The following ASAP1 variants were observed in gnomAD, a reference collection of about 807,000 sequenced individuals.
The protein encoded by ASAP1 is arf-GAP with SH3 domain, ANK repeat and PH domain-containing protein 1.
Under a neutral mutation model 145.2 loss-of-function variants are expected in ASAP1, and 43 were observed. The observed-to-expected ratio is 0.30, with a 90% CI of 0.23 to 0.38. The LOEUF is 0.38. Among genes scored for constraint, ASAP1 ranks in the 10% least tolerant of loss-of-function variants. The pLI is 1.00. For missense variants in ASAP1, 1,018 were observed against 1,355.3 expected, an observed-to-expected ratio of 0.75 and a Z score of 3.91; for synonymous variants, 546 against 515.5, an observed-to-expected ratio of 1.06 and a Z score of -0.80.
chr8:130,154,206 T>A (rs893767832), intron 12 of ASAP1, among the ~76,000 whole-genome samples: 2 of 152,072 alleles, frequency 1.3e-5, no homozygotes, highest in Non-Finnish European at 1.5e-5. Context: ...GAATGGTGCC[T>A]CAGAGCCCCG....
chr8:130,297,815 A>G (rs1434869125), intron 3 of ASAP1, among the ~76,000 whole-genome samples: 1 of 152,226 alleles, frequency 6.6e-6, no homozygotes, highest in Admixed American at 6.5e-5. Context: ...GGTGCACCCA[A>G]AATCAGCCTT....
At chr8:130,131,314 T>C (rs545481642) in intron 15 of ASAP1, among the ~76,000 whole-genome samples, 79 of 152,070 alleles carry the variant, frequency 5.2e-4, no homozygotes, top group Non-Finnish European at 1.0e-3. Context: ...CACTTTCATA[T>C]GAAAAATAAA....
intron 13 of ASAP1, among the ~76,000 whole-genome samples, chr8:130,145,910 C>T (rs1053624661): frequency 2.0e-5 from 3 of 146,674 alleles, no homozygotes; most frequent in East Asian, 2.0e-4. Flanking sequence ...GGTGTGATCT[C>T]GGCTCATTGC....
At chr8:130,084,666 C>T (rs779587662) in intron 25 of ASAP1, 1 of 152,144 alleles carries the variant, frequency 6.6e-6, no homozygotes, top group Non-Finnish European at 1.5e-5. Flanking sequence ...TTCTGCAGTT[C>T]CTGGATTTGA....
chr8:130,091,938 C>T lies in ASAP1; in HGVS notation c.2572+35G>A, dbSNP rs746157707. 5 of 1,489,146 alleles carry T rather than the reference C, an allele frequency of 3.4e-6. No individual in the cohort carries two copies. In the South Asian group the frequency reaches 7.0e-5, roughly 21 times the overall value. 92.2% of individuals were successfully genotyped at this position (1,489,146 alleles called of 1,614,324 possible). A position where few individuals can be genotyped will look rare whatever the true frequency, so the allele number is the denominator to read the frequency against. ...GTGGAGCCCCACACGCTGCCTGGCC[C>T]CAGCAGCTTTGGCCCTGACTTTAGG... On this transcript the variant is annotated intron_variant, in intron 25 of 29. Transcript: ENST00000518721.
chr8:130,262,016 T>C (rs911791236), intron 3 of ASAP1, among the ~76,000 whole-genome samples: 2 of 152,066 alleles, frequency 1.3e-5, no homozygotes, highest in African/African-American at 4.8e-5. Flanking sequence ...ATACAAACTA[T>C]GAATACTTTT....
chr8:130,256,739 T>TTTTA (rs1554860124), intron 3 of ASAP1, among the ~76,000 whole-genome samples: 3 of 95,904 alleles, frequency 3.1e-5, no homozygotes, highest in African/African-American at 1.3e-4. Context: ...ATACACATTC[T>TTTTA]TATATATATA....
intron 3 of ASAP1, among the ~76,000 whole-genome samples, chr8:130,315,221 G>A (rs1823594609): frequency 6.6e-6 from 1 of 151,890 alleles, no homozygotes; most frequent in Admixed American, 6.6e-5. Context: ...GCATGGGAGG[G>A]GATCATTCTA....
chr8:130,151,478 A>G (rs115952772), intron 13 of ASAP1, among the ~76,000 whole-genome samples: 1,652 of 151,070 alleles, frequency 0.011, 25 homozygotes, highest in African/African-American at 0.039. Context: ...CCAAGTCTGT[A>G]GACAGGATTT....
chr8:130,141,605 T>C (rs762578001), intron 13 of ASAP1, among the ~76,000 whole-genome samples: 1 of 152,214 alleles, frequency 6.6e-6, no homozygotes, highest in Non-Finnish European at 1.5e-5. Flanking sequence ...CATCGGGTAC[T>C]AGCAAGATCA....
chr8:130,329,698 AG>A (rs1292902868), intron 3 of ASAP1, among the ~76,000 whole-genome samples: 4 of 152,194 alleles, frequency 2.6e-5, no homozygotes, highest in African/African-American at 9.7e-5. Context: ...AAAAACAAAG[AG>A]CTCTGAAATA....
chr8:130,245,169 A>AG (rs946925007), intron 3 of ASAP1, among the ~76,000 whole-genome samples: 6 of 152,174 alleles, frequency 3.9e-5, no homozygotes, highest in African/African-American at 1.4e-4. Context: ...GCTGCCATGA[A>AG]GGGGAAATGA....
chr8:130,372,744 A>C (rs1827269475), intron 2 of ASAP1, among the ~76,000 whole-genome samples: 1 of 152,168 alleles, frequency 6.6e-6, no homozygotes, highest in African/African-American at 2.4e-5. Flanking sequence ...ATGAGGGCAA[A>C]AATTCTGGTT....
rs554920576 is a variant in ASAP1 at position 130,282,028 on chromosome 8, G to C, written c.187-45034C>G. On this transcript the variant is annotated intron_variant, in intron 3 of 29. Coordinates refer to ENST00000518721, the MANE Select transcript of ASAP1 (RefSeq NM_018482.4). ...GTTGCAGTGAGCCAAGATCATGACC[G>C]ATTACACTCCAGTCCAGGCGACAGT... 4.1e-3 allele frequency among the ~76,000 whole-genome samples: 604 copies of C among 147,818 alleles called. 2 individuals are homozygous for C. The highest frequency in any genetic ancestry group is 5.9e-3 in the South Asian group (28 of 4,724).
At chr8:130,244,869 A>G (rs1818752550) in intron 3 of ASAP1, among the ~76,000 whole-genome samples, 1 of 152,118 alleles carries the variant, frequency 6.6e-6, no homozygotes, top group South Asian at 2.1e-4. Flanking sequence ...TCCTCTTGGA[A>G]CAAGCCAGGA....
intron 17 of ASAP1, among the ~76,000 whole-genome samples, chr8:130,124,510 C>T (rs2097571862): frequency 6.6e-6 from 1 of 152,198 alleles, no homozygotes; most frequent in Non-Finnish European, 1.5e-5. Flanking sequence ...AGCTTATCAA[C>T]CACCATCATG....
intron 1 of ASAP1, among the ~76,000 whole-genome samples, chr8:130,416,953 C>T (rs1829500433): frequency 6.6e-6 from 1 of 152,188 alleles, no homozygotes; most frequent in Admixed American, 6.5e-5. Flanking sequence ...TAATACATAG[C>T]CAAATGGAAG....
intron 3 of ASAP1, among the ~76,000 whole-genome samples, chr8:130,269,312 A>C (rs1293224772): frequency 1.1e-4 from 16 of 152,210 alleles, no homozygotes; most frequent in Non-Finnish European, 8.8e-5. Flanking sequence ...AGAGAAGGCC[A>C]ATGCAGATTT....
intron 7 of ASAP1, among the ~76,000 whole-genome samples, chr8:130,184,079 G>C (rs984156913): frequency 6.6e-6 from 1 of 152,132 alleles, no homozygotes; most frequent in African/African-American, 2.4e-5. Context: ...ACAGAACTAA[G>C]CAAATGAAGA....
Sources: gnomAD v4.1 joint callset for allele counts (sites outside exome capture counted in the v4.1 genomes callset) on GRCh38, gnomAD v4.1.1 for gene constraint, MANE v1.5 for transcripts, NCBI Gene and HGNC (gene_info 2026-07-23, HGNC 2026-07-21) for gene names.